PRDM16: variants seen among roughly 807,000 people sequenced by gnomAD.
The protein encoded by PRDM16 is PR/SET domain 16.
A neutral mutation model predicts 110.6 loss-of-function variants in PRDM16; 23 were observed. The observed-to-expected ratio is 0.21, with a 90% CI of 0.15 to 0.29. PRDM16 has a LOEUF of 0.29. Among genes scored for constraint, PRDM16 ranks in the 10% least tolerant of loss-of-function variants. PRDM16 has a pLI of 1.00. For synonymous variants in PRDM16, 799 were observed against 781.8 expected (o/e 1.02, Z -0.37); for missense variants, 1,615 against 1,794.3 (o/e 0.90, Z 1.81).
At chr1:3,410,196 C>T in intron 8 of PRDM16, among the ~76,000 whole-genome samples, 1 of 151,548 alleles carries the variant, frequency 6.6e-6, no homozygotes. Context: ...TGTGTTCCTC[C>T]CTTTTTTCTT....
intron 1 of PRDM16, among the ~76,000 whole-genome samples, chr1:3,121,751 C>T (rs913000145): frequency 3.3e-5 from 5 of 152,230 alleles, no homozygotes; most frequent in South Asian, 2.1e-4. Context: ...ACCTCGGCTG[C>T]GCGCTGCAGG....
chr1:3,218,688 G>A (rs1639086301), intron 2 of PRDM16, among the ~76,000 whole-genome samples: 1 of 152,168 alleles, frequency 6.6e-6, no homozygotes, highest in South Asian at 2.1e-4. Context: ...ACTGGCAGGT[G>A]CCTCTGCCAC....
Position 3,213,268 on chromosome 1 carries a change from T to C in PRDM16, c.387+26794T>C, listed in dbSNP as rs2100850877. ...AGAAGAAACCACCTTCCCAAATCTTTATGAATTAAACATGGCATGTCCATC... is the reference window on the plus strand; with the variant it reads ...AGAAGAAACCACCTTCCCAAATCTTCATGAATTAAACATGGCATGTCCATC... On this transcript the variant is annotated intron_variant, in intron 2 of 16. Coordinates refer to ENST00000270722, the MANE Select transcript of PRDM16 (RefSeq NM_022114.4). This position sits in a 1 kb window ranked among gnomAD's most constrained non-coding sequence, Gnocchi z 5.3. Among the ~76,000 whole-genome samples, 1 of 151,756 alleles carries C rather than the reference T, an allele frequency of 6.6e-6. No homozygotes were observed. The highest frequency in any genetic ancestry group is 2.0e-4 in the East Asian group (1 of 5,126).
intron 3 of PRDM16, among the ~76,000 whole-genome samples, chr1:3,322,714 G>A (rs879539196): frequency 2.6e-5 from 4 of 152,188 alleles, no homozygotes; most frequent in Admixed American, 6.5e-5. Flanking sequence ...TTAACGAGGC[G>A]CAGCGACCCG....
Position 3,134,475 on chromosome 1 carries a change from TGCCCTCCCCTCCC to T in PRDM16, c.38-51647_38-51635del, listed in dbSNP as rs538236432. 2.1e-4 allele frequency among the ~76,000 whole-genome samples: 32 copies of T among 152,224 alleles called. 1 individual carries two copies. The South Asian group carries it at 5.0e-3, about 24-fold the overall frequency. On this transcript the variant is annotated intron_variant, in intron 1 of 16. Coordinates refer to ENST00000270722, the MANE Select transcript of PRDM16 (RefSeq NM_022114.4). The stretch of plus-strand genomic sequence containing the variant: ...CACGCTCATGCCCATCACCCCCTCC[TGCCCTCCCCTCCC>T]GCACAGCCTCTGGCATCAGAACTCG...
intron 3 of PRDM16, among the ~76,000 whole-genome samples, chr1:3,331,495 G>A (rs1030262561): frequency 3.3e-5 from 5 of 152,196 alleles, no homozygotes; most frequent in Non-Finnish European, 1.5e-5. Context: ...AATAGCCCAG[G>A]CTCCACTTCC....
At chr1:3,371,380 A>AT (rs2100578324) in intron 3 of PRDM16, among the ~76,000 whole-genome samples, 1 of 150,660 alleles carries the variant, frequency 6.6e-6, no homozygotes, top group South Asian at 2.1e-4. Flanking sequence ...CCATCCACCC[A>AT]TCCATTCACC....
chr1:3,095,145 G>A (rs1642367696), intron 1 of PRDM16, among the ~76,000 whole-genome samples: 2 of 152,160 alleles, frequency 1.3e-5, no homozygotes, highest in African/African-American at 2.4e-5. Context: ...TGATGAGAAG[G>A]CCCCTCTCCA....
intron 1 of PRDM16, among the ~76,000 whole-genome samples, chr1:3,151,510 G>A (rs1269892304): frequency 1.3e-5 from 2 of 152,256 alleles, no homozygotes; most frequent in Admixed American, 6.5e-5. Context: ...AGGCTTCCCA[G>A]AGGGTGTGTT....
chr1:3,317,783 G>C (rs1403816864), intron 3 of PRDM16, among the ~76,000 whole-genome samples: 2 of 152,200 alleles, frequency 1.3e-5, no homozygotes, highest in African/African-American at 2.4e-5. Context: ...ATTTCTTATA[G>C]GATTACTCCC....
At chr1:3,254,395 G>A (rs1640003005) in intron 3 of PRDM16, among the ~76,000 whole-genome samples, 1 of 152,244 alleles carries the variant, frequency 6.6e-6, no homozygotes, top group South Asian at 2.1e-4. Context: ...TGACATGATT[G>A]TATATCTAGA....
At chr1:3,207,131 C>T (rs190611041) in intron 2 of PRDM16, 10 of 152,378 alleles carry the variant, frequency 6.6e-5, no homozygotes, top group Non-Finnish European at 1.0e-4. Context: ...GGTGCCAACC[C>T]GCCAGCCCCG....
rs1464106524 is a variant in PRDM16 at position 3,255,008 on chromosome 1, C to G, written c.438+10871C>G. Among the ~76,000 whole-genome samples the G allele has an allele frequency of 6.6e-6, 1 of 152,154 alleles. No homozygotes were observed. Among genetic ancestry groups the G allele is most frequent in the African/African-American group, 2.4e-5 (1 of 41,422 alleles). On this transcript the variant is annotated intron_variant, in intron 3 of 16. Transcript: ENST00000270722. The surrounding 1 kb of genome is among the most constrained non-coding windows in gnomAD (Gnocchi z 4.7). Reference sequence around the variant, plus strand: ...AGCCCTCAGAAATAACGCCGCATGTCTACAACTATCTGATCTTTGACAAAC... The same window carrying G: ...AGCCCTCAGAAATAACGCCGCATGTGTACAACTATCTGATCTTTGACAAAC...
chr1:3,392,393 G>C (rs12139767), intron 4 of PRDM16, among the ~76,000 whole-genome samples: 23,900 of 152,138 alleles, frequency 0.16, 2,229 homozygotes, highest in Middle Eastern at 0.27. Context: ...CCAAAAGTTC[G>C]CTTGATGGAA....
Position 3,157,115 on chromosome 1 carries a change from C to A in PRDM16, c.38-29010C>A, listed in dbSNP as rs1643865133. Among the ~76,000 whole-genome samples the A allele has an allele frequency of 6.6e-6, 1 of 152,158 alleles. No individual in the cohort carries two copies. On this transcript the variant is annotated intron_variant, in intron 1 of 16. Coordinates refer to ENST00000270722, the MANE Select transcript of PRDM16 (RefSeq NM_022114.4). This position sits in a 1 kb window ranked among gnomAD's most constrained non-coding sequence, Gnocchi z 4.8. ...AGTCGCCCAGATGGTGGTCCCAGGG[C>A]AGGGAGTGTTAGCACCTGCCGGGCT...
intron 3 of PRDM16, among the ~76,000 whole-genome samples, chr1:3,259,613 C>G (rs958870179): frequency 9.2e-5 from 14 of 152,172 alleles, no homozygotes; most frequent in Non-Finnish European, 1.5e-4. Flanking sequence ...GAAACCCAGA[C>G]CAACTAGTGA....
At chr1:3,227,351 C>T (rs747180537) in intron 2 of PRDM16, among the ~76,000 whole-genome samples, 2 of 152,290 alleles carry the variant, frequency 1.3e-5, no homozygotes, top group Non-Finnish European at 2.9e-5. Context: ...AACCAGAGTC[C>T]TGCATCCTTG....
Position 3,190,756 on chromosome 1 carries a change from G to T in PRDM16, c.387+4282G>T, listed in dbSNP as rs1638288686. On this transcript the variant is annotated intron_variant, in intron 2 of 16. Transcript: ENST00000270722. The surrounding 1 kb of genome is among the most constrained non-coding windows in gnomAD (Gnocchi z 5.0). ...CCCACCTGCCTGGAGGAAATCACCC[G>T]TGAGCGCATTTGCTCGCCGTGGGGT... Among the ~76,000 whole-genome samples, 2 of 152,342 alleles carry T rather than the reference G, an allele frequency of 1.3e-5. No individual in the cohort carries two copies. The highest frequency in any genetic ancestry group is 2.1e-4 in the South Asian group (1 of 4,826).
intron 2 of PRDM16, chr1:3,205,956 C>G (rs1459147149): frequency 6.6e-6 from 1 of 152,350 alleles, no homozygotes; most frequent in Admixed American, 6.5e-5. Context: ...CGAAGGAGCC[C>G]CCAGCCCCCT....
Sources: allele counts gnomAD v4.1 joint callset (sites outside exome capture counted in the v4.1 genomes callset), GRCh38; gene constraint gnomAD v4.1.1; non-coding constraint Gnocchi (gnomAD v3.1); transcripts MANE v1.5; gene names NCBI Gene and HGNC (gene_info 2026-07-23, HGNC 2026-07-21).